The following CRACDL variants were observed in gnomAD, a reference collection of about 807,000 sequenced individuals.
CRACDL encodes CRACD-like protein.
Under a neutral mutation model 70.6 loss-of-function variants are expected in CRACDL, and 26 were observed. That is an observed-to-expected ratio of 0.37 (90% CI 0.27 to 0.51). CRACDL has a LOEUF of 0.51. CRACDL is among the 20% of genes least tolerant of loss of function. The pLI is 0.94. For missense variants in CRACDL, 1,283 were observed against 1,376.9 expected, an observed-to-expected ratio of 0.93 and a Z score of 1.08; for synonymous variants, 618 against 615.2, an observed-to-expected ratio of 1.00 and a Z score of -0.07.
chr2:98,798,530 A>G (rs1703940039), intron 7 of CRACDL, among the ~76,000 whole-genome samples: 1 of 147,804 alleles, frequency 6.8e-6, no homozygotes, highest in Non-Finnish European at 1.5e-5. Flanking sequence ...ATCTCCTTCC[A>G]TATTTACTGT....
intron 2 of CRACDL, among the ~76,000 whole-genome samples, chr2:98,840,100 A>G (rs769732212): frequency 5.3e-5 from 8 of 151,984 alleles, no homozygotes; most frequent in Non-Finnish European, 1.0e-4. Context: ...CATTTGGTTT[A>G]TTACTTTTTA....
At chr2:98,810,530 T>C (rs1704510124) in intron 7 of CRACDL, among the ~76,000 whole-genome samples, 1 of 152,010 alleles carries the variant, frequency 6.6e-6, no homozygotes, top group South Asian at 2.1e-4. Flanking sequence ...CGTGGGAGGA[T>C]AAAGACGCTG....
intron 7 of CRACDL, among the ~76,000 whole-genome samples, chr2:98,820,908 G>A (rs1704998342): frequency 6.6e-6 from 1 of 152,200 alleles, no homozygotes; most frequent in Non-Finnish European, 1.5e-5. Context: ...GGAGGAAAAG[G>A]TCAGAAGGAC....
At chr2:98,932,085 C>T (rs566787978) in intron 1 of CRACDL, among the ~76,000 whole-genome samples, 16 of 152,150 alleles carry the variant, frequency 1.1e-4, no homozygotes, top group Non-Finnish European at 1.6e-4. Flanking sequence ...TCCTGATTTC[C>T]GTTCAGTTTG....
chr2:98,822,666 G>A lies in CRACDL; in HGVS notation c.1607C>T (p.Ala536Val). 1.6e-6 allele frequency: 2 copies of A among 1,284,094 alleles called. No homozygotes were observed. Among genetic ancestry groups the A allele is most frequent in the Non-Finnish European group, 9.8e-7 (1 of 1,019,516 alleles). 79.5% of individuals were successfully genotyped at this position (1,284,094 alleles called of 1,614,324 possible). A position where few individuals can be genotyped will look rare whatever the true frequency, so the allele number is the denominator to read the frequency against. The change falls in exon 7 of 10, where the codon GCC becomes GTC. Residue 536 changes from alanine (A) to valine (V), a missense_variant. Transcript: ENST00000397899. This position sits in a 1 kb window ranked among gnomAD's most constrained non-coding sequence, Gnocchi z 4.9. ...GPGSLDAEAA[A>V]PERPKAERAE... ...TCGCTCGGCCTTGGGGCGCTCCGGG[G>A]CGGCGGCCTCTGCGTCGAGGGAACC... is the stretch of plus-strand genomic sequence containing the variant.
intron 3 of CRACDL, among the ~76,000 whole-genome samples, chr2:98,835,626 C>G (rs1468129481): frequency 6.6e-6 from 1 of 151,816 alleles, no homozygotes; most frequent in Non-Finnish European, 1.5e-5. Flanking sequence ...AAGAAAAAAA[C>G]AAAACCCACT....
rs781361854 is a variant in CRACDL, at chr2:98,823,031, G to A, written c.1242C>T (p.Pro414=). Residue 414 remains proline, a synonymous_variant, in exon 7 of 10, where the codon CCC becomes CCT. Coordinates refer to ENST00000397899, the MANE Select transcript of CRACDL (RefSeq NM_207362.3). This position sits in a 1 kb window ranked among gnomAD's most constrained non-coding sequence, Gnocchi z 4.0. ...CTGAGGTGGCGGCGGGGTCAGTCTC[G>A]GGGGGAGTCGTGTCCCCCTCAGGGA... is the stretch of plus-strand genomic sequence containing the variant. ...TAIPEGDTTP[P]ETDPAATSEA... 5 of 1,543,746 alleles carry A rather than the reference G, an allele frequency of 3.2e-6. No individual in the cohort carries two copies. In the African/African-American group the frequency reaches 5.7e-5, roughly 18 times the overall value.
intron 1 of CRACDL, among the ~76,000 whole-genome samples, chr2:98,930,286 CCG>C: frequency 7.4e-6 from 1 of 135,080 alleles, no homozygotes; most frequent in African/African-American, 2.9e-5. Context: ...TACCACATCT[CCG>C]TCCCCACCCT....
chr2:98,880,530 C>G (rs1277707393), intron 1 of CRACDL, among the ~76,000 whole-genome samples: 1 of 152,134 alleles, frequency 6.6e-6, no homozygotes, highest in East Asian at 1.9e-4. Context: ...GCAGGTGGGC[C>G]CCCCCTTCTC....
intron 7 of CRACDL, among the ~76,000 whole-genome samples, chr2:98,811,975 T>A (rs531578406): frequency 1.3e-5 from 2 of 152,256 alleles, no homozygotes; most frequent in South Asian, 4.1e-4. Flanking sequence ...GGTGATTATG[T>A]CATTTGTATT....
At chr2:98,922,889 G>A (rs906589294) in intron 1 of CRACDL, among the ~76,000 whole-genome samples, 23 of 152,190 alleles carry the variant, frequency 1.5e-4, no homozygotes, top group Admixed American at 6.5e-4. Context: ...TTAATGCCTG[G>A]AAGCTAAAAA....
chr2:98,831,963 T>C (rs1239224828), intron 5 of CRACDL, among the ~76,000 whole-genome samples: 1 of 152,042 alleles, frequency 6.6e-6, no homozygotes, highest in African/African-American at 2.4e-5. Flanking sequence ...TATCACATGC[T>C]CACTACTTCC....
intron 2 of CRACDL, among the ~76,000 whole-genome samples, chr2:98,843,985 T>C (rs1214010030): frequency 6.6e-6 from 1 of 152,240 alleles, no homozygotes; most frequent in Non-Finnish European, 1.5e-5. Flanking sequence ...CAGGCACTAT[T>C]ATTATTTCAC....
chr2:98,833,138 T>C, intron 3 of CRACDL, 141 bp from the exon 4 acceptor site: 1 of 760,496 alleles, frequency 1.3e-6, no homozygotes, highest in South Asian at 1.9e-5. Context: ...CAGTGGTCCC[T>C]GACTTCAGTT....
At chr2:98,931,588 T>C (rs532654458) in intron 1 of CRACDL, among the ~76,000 whole-genome samples, 1 of 152,160 alleles carries the variant, frequency 6.6e-6, no homozygotes, top group Non-Finnish European at 1.5e-5. Context: ...TGGAAGTTCT[T>C]CAGCTACACA....
chr2:98,810,116 G>A (rs1181572568), intron 7 of CRACDL, among the ~76,000 whole-genome samples: 1 of 152,136 alleles, frequency 6.6e-6, no homozygotes, highest in Non-Finnish European at 1.5e-5. Context: ...AGGAACCCCA[G>A]GGCATGGGTA....
At chr2:98,925,268 T>C (rs566140869) in intron 1 of CRACDL, among the ~76,000 whole-genome samples, 2 of 152,246 alleles carry the variant, frequency 1.3e-5, no homozygotes, top group Admixed American at 1.3e-4. Context: ...CTGTGCACAC[T>C]TGGGGGGAGG....
At chr2:98,844,414 C>G (rs191942225) in intron 2 of CRACDL, among the ~76,000 whole-genome samples, 1 of 152,216 alleles carries the variant, frequency 6.6e-6, no homozygotes, top group Admixed American at 6.5e-5. Flanking sequence ...GTCTGTTTCT[C>G]TTGTCTGCCT....
At chr2:98,869,231 T>C (rs1573113150) in intron 1 of CRACDL, 1 of 1,294,064 alleles carries the variant, frequency 7.7e-7, no homozygotes, top group South Asian at 1.3e-5. Flanking sequence ...TCACCACTGG[T>C]TGCTGATCAA....
Sources: gnomAD v4.1 joint callset for allele counts (sites outside exome capture counted in the v4.1 genomes callset) on GRCh38, gnomAD v4.1.1 for gene constraint, Gnocchi (gnomAD v3.1) non-coding constraint, MANE v1.5 for transcripts, NCBI Gene and HGNC (gene_info 2026-07-23, HGNC 2026-07-21) for gene names.